Variants in LLGL2 observed in about 807,000 individuals in gnomAD.
LLGL2 encodes the protein LLGL scribble cell polarity complex component 2.
LLGL2 carries 81 observed loss-of-function variants against 123.2 expected under a neutral mutation model. That is an observed-to-expected ratio of 0.66 (90% confidence interval 0.55 to 0.79). The LOEUF (loss-of-function observed/expected upper bound fraction) is 0.79, where lower values mean the gene tolerates loss of function less well. LLGL2 is among the 30% of genes least tolerant of loss of function. The pLI is 0.00. For synonymous variants in LLGL2, 577 were observed against 594.1 expected (o/e 0.97, Z 0.42); for missense variants, 1,273 against 1,414.6 (o/e 0.90, Z 1.61).
intron 10 of LLGL2, among the ~76,000 whole-genome samples, chr17:75,566,187 C>T (rs953262013): frequency 5.3e-5 from 8 of 152,304 alleles, no homozygotes; most frequent in East Asian, 1.9e-4. Context: ...GAATGGCCCC[C>T]GTGCTGGTCC....
At chr17:75,565,359 G>A (rs1284865478) in intron 10 of LLGL2, among the ~76,000 whole-genome samples, 1 of 152,248 alleles carries the variant, frequency 6.6e-6, no homozygotes, top group African/African-American at 2.4e-5. Flanking sequence ...AGGGCCTGAG[G>A]CCGAAAGGTG....
chr17:75,540,383 G>A (rs1361126163), intron 1 of LLGL2, among the ~76,000 whole-genome samples: 1 of 152,182 alleles, frequency 6.6e-6, no homozygotes, highest in Non-Finnish European at 1.5e-5. Flanking sequence ...GGGTTGATTG[G>A]AGTGAGGGGA....
At chr17:75,533,004 T>A (rs928009594) in intron 1 of LLGL2, among the ~76,000 whole-genome samples, 47 of 151,822 alleles carry the variant, frequency 3.1e-4, no homozygotes, top group African/African-American at 1.1e-3. Context: ...ATTCAAGTAC[T>A]TTTTTTTTCT....
chr17:75,556,445 C>G (rs4789213), intron 3 of LLGL2, among the ~76,000 whole-genome samples: 70,899 of 151,962 alleles, frequency 0.47, 17,596 homozygotes, highest in South Asian at 0.59. Flanking sequence ...TTTCAGGACC[C>G]TTCATGTGGT....
chr17:75,573,600 G>C lies in LLGL2; in HGVS notation c.2845G>C (p.Ala949Pro), dbSNP rs2055829044. ...ETKNHRPGNG[A>P]GPKKAPSRAR... ...CAAGAACCACCGCCCTGGTAACGGT[G>C]CGGGCCCCAAGAAGGCCCCGAGCCG... Residue 949 changes from alanine to proline, a missense_variant, in exon 21 of 26, where the codon GCG becomes CCG. Transcript: ENST00000392550. The C allele has an allele frequency of 1.2e-6, 2 of 1,611,124 alleles. No homozygotes were observed. Among genetic ancestry groups the C allele is most frequent in the African/African-American group, 1.3e-5 (1 of 74,914 alleles).
At chr17:75,572,154 G>A in intron 19 of LLGL2, 90 bp downstream of exon 19, 1 of 1,318,836 alleles carries the variant, frequency 7.6e-7, no homozygotes, top group South Asian at 1.3e-5. Context: ...CTGGGACTCA[G>A]TCTTGTTTGC....
Position 75,559,445 on chromosome 17 carries a change from C to A in LLGL2, c.530+35C>A. ...GAGCCCAGCTGCTGTTAACTCCATC[C>A]CCTCAAGTTAGGCATGGCTTCTCCC... On this transcript the variant is annotated intron_variant, in intron 6 of 25. Transcript: ENST00000392550. The surrounding 1 kb of genome is among the most constrained non-coding windows in gnomAD (Gnocchi z 4.6). The A allele has an allele frequency of 1.3e-6, 2 of 1,564,606 alleles. No individual in the cohort carries two copies. Among genetic ancestry groups the A allele is most frequent in the Non-Finnish European group, 1.7e-6 (2 of 1,156,280 alleles).
chr17:75,554,748 G>T (rs1269308639), intron 2 of LLGL2, among the ~76,000 whole-genome samples: 1 of 151,928 alleles, frequency 6.6e-6, no homozygotes, highest in Non-Finnish European at 1.5e-5. Context: ...AATTAGCCGG[G>T]CGTGGTGGCG....
intron 8 of LLGL2, 87 bp from the exon 9 acceptor site, chr17:75,563,665 G>T: frequency 1.3e-6 from 2 of 1,526,186 alleles, no homozygotes; most frequent in Non-Finnish European, 1.8e-6. Flanking sequence ...TGTGGATGTG[G>T]CATGAGCTAG....
Position 75,571,966 on chromosome 17 carries a change from C to T in LLGL2, c.2362C>T (p.Pro788Ser), listed in dbSNP as rs768139605. The T allele has an allele frequency of 3.7e-6, 6 of 1,612,806 alleles. No homozygotes were observed. The highest frequency in any genetic ancestry group is 4.2e-6 in the Non-Finnish European group (5 of 1,180,022). Residue 788 changes from proline (P) to serine (S), a missense_variant, in exon 19 of 26, where the codon CCC becomes TCC. Coordinates refer to ENST00000392550, the MANE Select transcript of LLGL2 (RefSeq NM_001031803.2). ...GILVLDGHSV[P>S]LPEPLEVAHD... ...CCTGGTGCTCGACGGACACAGCGTA[C>T]CCCTTCCCGAGCCCCTCGAAGTGGC...
At chr17:75,568,453 C>A in intron 10 of LLGL2, 23 bp from the exon 11 acceptor site, 1 of 1,608,512 alleles carries the variant, frequency 6.2e-7, no homozygotes, top group South Asian at 1.1e-5. Flanking sequence ...GCCCCGGCCC[C>A]TGACCCTTGC....
In LLGL2 at chr17:75,568,682, T is replaced by A; in HGVS notation, c.1243T>A (p.Phe415Ile). The A allele has an allele frequency of 2.5e-6, 4 of 1,613,876 alleles. No individual in the cohort carries two copies. The South Asian group carries it at 4.4e-5, about 18-fold the overall frequency. Residue 415 changes from phenylalanine (F) to isoleucine (I), a missense_variant, in exon 11 of 26, where the codon TTC becomes ATC. Transcript: ENST00000392550. ...CGCCGGCAGCCGGCAGAACGCACAC[T>A]TCTCCACCATGGTAGGTCTGGCCCT... The part of the protein sequence containing the change: ...IAAGSRQNAH[F>I]STMEWPIDGG...
chr17:75,562,729 CA>C (rs2055275120), intron 6 of LLGL2: 1 of 415,884 alleles, frequency 2.4e-6, no homozygotes, highest in Admixed American at 3.6e-5. Flanking sequence ...CCACCACGCC[CA>C]GCTAATGTTT....
Position 75,569,081 on chromosome 17 carries a change from A to G in LLGL2, c.1426A>G (p.Asn476Asp), listed in dbSNP as rs149872906. 1.9e-6 allele frequency: 3 copies of G among 1,612,890 alleles called. No homozygotes were observed. In the African/African-American group the frequency reaches 4.0e-5, roughly 22 times the overall value. ...CGTGTTCCTCACCGACACGGACCCC[A>G]ACGAGAACTTCAGTGCCCAGGGCGA... is the stretch of plus-strand genomic sequence containing the variant. ...VRVFLTDTDP[N>D]ENFSAQGEDE... Residue 476 changes from asparagine (N) to aspartate (D), a missense_variant, in exon 13 of 26, where the codon AAC becomes GAC. By Grantham distance (23) the Asn-to-Asp change is conservative. Transcript: ENST00000392550.
chr17:75,566,074 G>A (rs774596668), intron 10 of LLGL2, among the ~76,000 whole-genome samples: 1 of 152,228 alleles, frequency 6.6e-6, no homozygotes, highest in African/African-American at 2.4e-5. Context: ...GCGCAGACAC[G>A]GAAGCAGTCT....
chr17:75,534,994 C>G (rs2053946743), intron 1 of LLGL2, among the ~76,000 whole-genome samples: 1 of 152,212 alleles, frequency 6.6e-6, no homozygotes. Context: ...TCCCCTAGAT[C>G]CCACTCCATG....
chr17:75,545,182 G>T (rs1331599722), intron 2 of LLGL2, among the ~76,000 whole-genome samples: 3 of 152,086 alleles, frequency 2.0e-5, no homozygotes, highest in African/African-American at 7.2e-5. Context: ...CTGGGGCAAG[G>T]AGTTGTCCCT....
intron 6 of LLGL2, among the ~76,000 whole-genome samples, chr17:75,561,974 T>C (rs1387642303): frequency 1.3e-5 from 2 of 152,194 alleles, no homozygotes; most frequent in Non-Finnish European, 2.9e-5. Flanking sequence ...ACTCTCACTC[T>C]TGATTCAAAT....
chr17:75,537,241 A>C (rs1275427783), intron 1 of LLGL2, among the ~76,000 whole-genome samples: 3 of 152,184 alleles, frequency 2.0e-5, no homozygotes, highest in African/African-American at 7.2e-5. Flanking sequence ...AATAAACAGC[A>C]CATCAAGGCC....
Sources: allele counts gnomAD v4.1 joint callset (sites outside exome capture counted in the v4.1 genomes callset), GRCh38; gene constraint gnomAD v4.1.1; non-coding constraint Gnocchi (gnomAD v3.1); transcripts MANE v1.5; gene names NCBI Gene and HGNC (gene_info 2026-07-23, HGNC 2026-07-21).